Variants in CACNG3 observed in about 807,000 individuals in gnomAD.
CACNG3 encodes the protein calcium voltage-gated channel auxiliary subunit gamma 3.
Under a neutral mutation model 28.5 loss-of-function variants are expected in CACNG3, and 3 were observed. The observed-to-expected ratio is 0.11, with a 90% CI of 0.05 to 0.27. CACNG3 has a LOEUF of 0.27. Among genes scored for constraint, CACNG3 ranks in the 10% least tolerant of loss-of-function variants. The probability of loss-of-function intolerance (pLI) is 1.00; values close to 1 mark genes in which losing one functional copy is unlikely to be tolerated. For synonymous variants in CACNG3, 174 were observed against 162.2 expected, an observed-to-expected ratio of 1.07 and a Z score of -0.55; for missense variants, 236 against 414.4, an observed-to-expected ratio of 0.57 and a Z score of 3.74.
chr16:24,296,122 G>A (rs1285924718), intron 1 of CACNG3, among the ~76,000 whole-genome samples: 1 of 152,128 alleles, frequency 6.6e-6, no homozygotes, highest in African/African-American at 2.4e-5. Flanking sequence ...GGATGACAAG[G>A]TCAGAAGCCC....
intron 1 of CACNG3, among the ~76,000 whole-genome samples, chr16:24,325,186 T>G (rs967228388): frequency 6.6e-6 from 1 of 152,100 alleles, no homozygotes; most frequent in Non-Finnish European, 1.5e-5. Context: ...GAATTTAATA[T>G]CAGCCAATTC....
intron 1 of CACNG3, among the ~76,000 whole-genome samples, chr16:24,335,628 C>T (rs1270765780): frequency 1.3e-5 from 2 of 152,102 alleles, no homozygotes; most frequent in Non-Finnish European, 2.9e-5. Context: ...GATTCAAACC[C>T]GCTCATTCTG....
At chr16:24,326,282 C>T (rs978189801) in intron 1 of CACNG3, among the ~76,000 whole-genome samples, 4 of 152,030 alleles carry the variant, frequency 2.6e-5, no homozygotes, top group Non-Finnish European at 4.4e-5. Flanking sequence ...AGCAATTTTC[C>T]TCCCTCAGCC....
chr16:24,328,440 A>G (rs1026437794), intron 1 of CACNG3, among the ~76,000 whole-genome samples: 6 of 150,086 alleles, frequency 4.0e-5, no homozygotes, highest in African/African-American at 1.2e-4. Flanking sequence ...ACCATCCAAC[A>G]AGAAGTTGCC....
chr16:24,331,210 C>T (rs12149602), intron 1 of CACNG3, among the ~76,000 whole-genome samples: 18 of 151,854 alleles, frequency 1.2e-4, no homozygotes, highest in East Asian at 1.9e-4. Flanking sequence ...GAATCAAAAC[C>T]CTCAATAACC....
At chr16:24,304,171 G>A (rs1899152575) in intron 1 of CACNG3, among the ~76,000 whole-genome samples, 2 of 152,142 alleles carry the variant, frequency 1.3e-5, no homozygotes, top group African/African-American at 4.8e-5. Context: ...GGCTAGTGGG[G>A]GAGTGGAGAA....
At chr16:24,322,544 T>C (rs1160303384) in intron 1 of CACNG3, among the ~76,000 whole-genome samples, 1 of 152,176 alleles carries the variant, frequency 6.6e-6, no homozygotes. Context: ...TTAGCTCTGT[T>C]TTTAGAAGAC....
chr16:24,291,719 C>T (rs1335301400), intron 1 of CACNG3, among the ~76,000 whole-genome samples: 1 of 152,106 alleles, frequency 6.6e-6, no homozygotes, highest in Non-Finnish European at 1.5e-5. Flanking sequence ...AGTTACTTAA[C>T]CCCTCCTGCC....
intron 1 of CACNG3, among the ~76,000 whole-genome samples, chr16:24,326,349 T>G (rs1293475736): frequency 1.3e-5 from 2 of 152,132 alleles, no homozygotes; most frequent in Non-Finnish European, 2.9e-5. Flanking sequence ...TTTTGTATTT[T>G]TAGTAGAGAC....
At chr16:24,342,336 A>G (rs2141378206) in intron 1 of CACNG3, among the ~76,000 whole-genome samples, 1 of 152,344 alleles carries the variant, frequency 6.6e-6, no homozygotes, top group East Asian at 1.9e-4. Context: ...AAAATGTGCA[A>G]AAGAGTATTG....
At chr16:24,356,367 T>G (rs1233913466) in intron 3 of CACNG3, among the ~76,000 whole-genome samples, 1 of 152,154 alleles carries the variant, frequency 6.6e-6, no homozygotes, top group Non-Finnish European at 1.5e-5. Context: ...ATCATCTCTT[T>G]GTAATTTGGT....
chr16:24,348,142 A>G (rs1054024118), intron 2 of CACNG3, among the ~76,000 whole-genome samples: 1 of 152,168 alleles, frequency 6.6e-6, no homozygotes, highest in Non-Finnish European at 1.5e-5. Context: ...TCACACCTGT[A>G]ATCTCAGCAC....
At chr16:24,297,233 G>A (rs1299054095) in intron 1 of CACNG3, among the ~76,000 whole-genome samples, 1 of 148,144 alleles carries the variant, frequency 6.8e-6, no homozygotes, top group Non-Finnish European at 1.5e-5. Flanking sequence ...GAGCAGCAGA[G>A]CAGAATCCCA....
In CACNG3 at chr16:24,315,674, T is replaced by C. The variant is rs140339853; in HGVS notation, c.212-31060T>C. On this transcript the variant is annotated intron_variant, in intron 1 of 3. Coordinates refer to ENST00000005284, the MANE Select transcript of CACNG3 (RefSeq NM_006539.4). ...TCTCTCATTCTCTCTTTCTTTCTTCTTTTAACAGTCTTACCCTGTTGCTGA... is the reference window on the plus strand; with the variant it reads ...TCTCTCATTCTCTCTTTCTTTCTTCCTTTAACAGTCTTACCCTGTTGCTGA... 7.2e-4 allele frequency among the ~76,000 whole-genome samples: 109 copies of C among 151,806 alleles called. No individual in the cohort carries two copies. In the East Asian group the frequency reaches 0.016, roughly 23 times the overall value.
intron 1 of CACNG3, among the ~76,000 whole-genome samples, chr16:24,265,183 A>G (rs1898581043): frequency 6.6e-6 from 1 of 151,542 alleles, no homozygotes; most frequent in African/African-American, 2.4e-5. Context: ...TTGTAGTTGC[A>G]ATGAGTTGAG....
chr16:24,257,916 C>A (rs1158119717), intron 1 of CACNG3, among the ~76,000 whole-genome samples: 1 of 152,168 alleles, frequency 6.6e-6, no homozygotes, highest in Non-Finnish European at 1.5e-5. Context: ...GTAGGCAATG[C>A]TTGGATATCA....
intron 1 of CACNG3, among the ~76,000 whole-genome samples, chr16:24,334,441 G>A (rs958348890): frequency 4.7e-4 from 71 of 152,282 alleles, no homozygotes; most frequent in African/African-American, 1.6e-3. Flanking sequence ...TGTTAGATTC[G>A]TGGATTCACA....
At position 24,351,693 on chromosome 16, in the gene CACNG3, A is replaced by G. The variant is rs1257673976; in HGVS notation, c.296-3140A>G. Reference sequence around the variant, plus strand: ...AAGAAAGAAAGAAAGAAGGAAAGAAAGAAAGAGAAAGAAAGAAAGAAAGGA... The same window carrying G: ...AAGAAAGAAAGAAAGAAGGAAAGAAGGAAAGAGAAAGAAAGAAAGAAAGGA... On this transcript the variant is annotated intron_variant, in intron 2 of 3. Coordinates refer to ENST00000005284, the MANE Select transcript of CACNG3 (RefSeq NM_006539.4). Among the ~76,000 whole-genome samples the G allele has an allele frequency of 5.0e-3, 695 of 139,476 alleles. 14 individuals are homozygous for G. In the South Asian group the frequency reaches 0.056, roughly 11 times the overall value. The allele number at this position is 139,476 out of a possible 152,430, so 91.5% of individuals were successfully genotyped here. A position where few individuals can be genotyped will look rare whatever the true frequency, so the allele number is the denominator to read the frequency against.
At chr16:24,327,981 C>T (rs188081168) in intron 1 of CACNG3, among the ~76,000 whole-genome samples, 4 of 152,242 alleles carry the variant, frequency 2.6e-5, no homozygotes, top group Non-Finnish European at 2.9e-5. Context: ...GAAGGAAATA[C>T]GCAGTACTCA....
Sources: allele counts gnomAD v4.1 joint callset (sites outside exome capture counted in the v4.1 genomes callset), GRCh38; gene constraint gnomAD v4.1.1; transcripts MANE v1.5; gene names NCBI Gene and HGNC (gene_info 2026-07-23, HGNC 2026-07-21).